Variants in ERC2 observed in about 807,000 individuals in gnomAD.
The protein encoded by ERC2 is ELKS/RAB6-interacting/CAST family member 2.
A neutral mutation model predicts 114.8 loss-of-function variants in ERC2; 42 were observed. That is an observed-to-expected ratio of 0.37 (90% CI 0.29 to 0.47). The LOEUF (loss-of-function observed/expected upper bound fraction) is 0.47. Among genes scored for constraint, ERC2 ranks in the 20% least tolerant of loss-of-function variants. The pLI is 0.99. For synonymous variants in ERC2, 454 were observed against 425.5 expected, an observed-to-expected ratio of 1.07 and a Z score of -0.82; for missense variants, 939 against 1,150.7, an observed-to-expected ratio of 0.82 and a Z score of 2.66.
intron 2 of ERC2, among the ~76,000 whole-genome samples, chr3:56,363,478 C>G (rs2059035151): frequency 6.6e-6 from 1 of 152,034 alleles, no homozygotes; most frequent in Non-Finnish European, 1.5e-5. Context: ...GTGTACATGA[C>G]TGAATTAGTG....
intron 14 of ERC2, among the ~76,000 whole-genome samples, chr3:55,861,348 GCTCATTGTCA>G (rs111272618): frequency 3.9e-5 from 6 of 152,298 alleles, no homozygotes; most frequent in African/African-American, 1.4e-4. Context: ...TATGCACATA[GCTCATTGTCA>G]CTCCTCCTGA....
intron 17 of ERC2, among the ~76,000 whole-genome samples, chr3:55,582,398 G>T (rs140657123): frequency 6.6e-6 from 1 of 152,160 alleles, no homozygotes; most frequent in Non-Finnish European, 1.5e-5. Flanking sequence ...TCTGGACACC[G>T]ACCTGCTCTC....
chr3:56,266,113 A>T (rs984743258), intron 3 of ERC2, among the ~76,000 whole-genome samples: 5 of 149,788 alleles, frequency 3.3e-5, no homozygotes, highest in Admixed American at 2.0e-4. Context: ...ATACAAAAAC[A>T]AAAACACAAA....
chr3:55,960,846 A>G (rs2068307072), intron 12 of ERC2, among the ~76,000 whole-genome samples: 1 of 152,202 alleles, frequency 6.6e-6, no homozygotes, highest in South Asian at 2.1e-4. Context: ...AAAACCACCC[A>G]TGTGTTGGCC....
At chr3:56,442,670 T>C (rs936008846) in intron 1 of ERC2, among the ~76,000 whole-genome samples, 1 of 152,236 alleles carries the variant, frequency 6.6e-6, no homozygotes, top group African/African-American at 2.4e-5. Flanking sequence ...AGGACACTCA[T>C]ATGTATTGGG....
intron 3 of ERC2, among the ~76,000 whole-genome samples, chr3:56,267,878 G>A (rs919716372): frequency 6.6e-6 from 1 of 152,142 alleles, no homozygotes; most frequent in African/African-American, 2.4e-5. Flanking sequence ...TCAGCATGAG[G>A]ACTATAGTTA....
rs115296631 is a variant in ERC2 at position 55,682,784 on chromosome 3, A to G, written c.*39+1010T>C. Among the ~76,000 whole-genome samples, 817 of 152,330 alleles carry G rather than the reference A, an allele frequency of 5.4e-3. 5 individuals carry two copies. Among genetic ancestry groups the G allele is most frequent in the African/African-American group, 0.019 (784 of 41,572 alleles). ...CAGAAAAAAATCACCATGGCACACAATCAACCACATTCCTTGTTCTGAATA... is the reference window on the plus strand; with the variant it reads ...CAGAAAAAAATCACCATGGCACACAGTCAACCACATTCCTTGTTCTGAATA... On this transcript the variant is annotated intron_variant, in intron 17 of 17. Coordinates refer to ENST00000288221, the MANE Select transcript of ERC2 (RefSeq NM_015576.3).
intron 3 of ERC2, among the ~76,000 whole-genome samples, chr3:56,205,916 A>C (rs529724195): frequency 1.3e-5 from 2 of 152,226 alleles, no homozygotes; most frequent in Admixed American, 1.3e-4. Context: ...TCTCAGACAA[A>C]TTATATCTCC....
At chr3:55,767,443 A>C (rs2067883216) in intron 14 of ERC2, among the ~76,000 whole-genome samples, 2 of 152,198 alleles carry the variant, frequency 1.3e-5, no homozygotes, top group African/African-American at 4.8e-5. Flanking sequence ...TTTCAGGCCA[A>C]GTATGAGGGA....
chr3:55,800,060 T>C (rs552528497), intron 14 of ERC2, among the ~76,000 whole-genome samples: 2 of 152,306 alleles, frequency 1.3e-5, no homozygotes, highest in South Asian at 4.1e-4. Context: ...ATGTGATTAC[T>C]AGTGAGAGCT....
At chr3:56,198,452 G>T (rs1478318990) in intron 3 of ERC2, among the ~76,000 whole-genome samples, 1 of 152,144 alleles carries the variant, frequency 6.6e-6, no homozygotes, top group African/African-American at 2.4e-5. Flanking sequence ...AGGCCAGGGA[G>T]GAGGTCAGAG....
intron 17 of ERC2, among the ~76,000 whole-genome samples, chr3:55,539,415 C>CTTGTTTTTTTTTTTT (rs2054227734): frequency 2.6e-5 from 1 of 39,090 alleles, no homozygotes; most frequent in East Asian, 1.3e-3. Flanking sequence ...TTTTTTCTTT[C>CTTGTTTTTTTTTTTT]TTTTTTTTTT....
chr3:55,912,137 G>A (rs1014664707), intron 13 of ERC2, among the ~76,000 whole-genome samples: 3 of 152,152 alleles, frequency 2.0e-5, no homozygotes, highest in African/African-American at 7.2e-5. Flanking sequence ...TATAAATATT[G>A]GCTTAAACTA....
At chr3:55,952,154 C>CT (rs2067570464) in intron 12 of ERC2, among the ~76,000 whole-genome samples, 2 of 57,930 alleles carry the variant, frequency 3.5e-5, no homozygotes, top group Admixed American at 4.4e-4. Context: ...CACACACACA[C>CT]ACACACACAC....
chr3:55,667,669 G>C (rs569969790), intron 17 of ERC2, among the ~76,000 whole-genome samples: 2 of 152,306 alleles, frequency 1.3e-5, no homozygotes, highest in Admixed American at 1.3e-4. Flanking sequence ...ACCGTGCCCA[G>C]CACTTCACTT....
intron 2 of ERC2, among the ~76,000 whole-genome samples, chr3:56,329,771 C>T (rs535768568): frequency 6.7e-6 from 1 of 148,496 alleles, no homozygotes; most frequent in African/African-American, 2.4e-5. Context: ...CAAGTATTCT[C>T]ATATATATGT....
At chr3:55,978,172 A>C (rs1431717304) in intron 12 of ERC2, among the ~76,000 whole-genome samples, 2 of 152,170 alleles carry the variant, frequency 1.3e-5, no homozygotes, top group African/African-American at 2.4e-5. Flanking sequence ...CCATCCTCTA[A>C]ACGCAATATC....
chr3:56,283,130 C>T (rs1462011436), intron 3 of ERC2, among the ~76,000 whole-genome samples: 1 of 152,194 alleles, frequency 6.6e-6, no homozygotes, highest in African/African-American at 2.4e-5. Flanking sequence ...AGGTTTGTGC[C>T]TGGCAGGTTT....
intron 3 of ERC2, among the ~76,000 whole-genome samples, chr3:56,279,878 C>G (rs2054234401): frequency 6.6e-6 from 1 of 152,180 alleles, no homozygotes; most frequent in South Asian, 2.1e-4. Flanking sequence ...ATATTGGATA[C>G]AGAGGGTATG....
Sources: allele counts gnomAD v4.1 joint callset (sites outside exome capture counted in the v4.1 genomes callset), GRCh38; gene constraint gnomAD v4.1.1; transcripts MANE v1.5; gene names NCBI Gene and HGNC (gene_info 2026-07-23, HGNC 2026-07-21).